The following CACNA2D3 variants were observed in gnomAD, a reference collection of about 807,000 sequenced individuals.
CACNA2D3 encodes calcium voltage-gated channel auxiliary subunit alpha2delta 3, also known as voltage-dependent calcium channel subunit alpha-2/delta-3.
Under a neutral mutation model 160.6 loss-of-function variants are expected in CACNA2D3, and 60 were observed. The observed-to-expected ratio is 0.37, with a 90% CI of 0.30 to 0.46. The LOEUF (loss-of-function observed/expected upper bound fraction) is 0.46, where lower values mean the gene tolerates loss of function less well. Among genes scored for constraint, CACNA2D3 ranks in the 20% least tolerant of loss-of-function variants. The pLI, the probability that CACNA2D3 is intolerant of heterozygous loss-of-function variation, is 1.00. For missense variants in CACNA2D3, 1,205 were observed against 1,365.0 expected (o/e 0.88, Z 1.85); for synonymous variants, 558 against 492.9 (o/e 1.13, Z -1.75).
chr3:55,011,993 CT>C (rs1164057364), intron 34 of CACNA2D3, among the ~76,000 whole-genome samples: 1 of 152,184 alleles, frequency 6.6e-6, no homozygotes, highest in Non-Finnish European at 1.5e-5. Flanking sequence ...GGTTAAATGG[CT>C]GCTGTCTCTG....
rs371578107 is a variant in CACNA2D3 at position 54,405,074 on chromosome 3, T to TCTATA, written c.381+18314_381+18318dup. ...TGGAAGAATTAATATTGTTAAAATG[T>TCTATA]CTATACTATACTATACTAAAATGTC... On this transcript the variant is annotated intron_variant, in intron 4 of 37. Coordinates refer to ENST00000474759, the MANE Select transcript of CACNA2D3 (RefSeq NM_018398.3). Among the ~76,000 whole-genome samples the TCTATA allele has an allele frequency of 9.2e-3, 1,381 of 150,664 alleles. 21 individuals carry two copies. The highest frequency in any genetic ancestry group is 0.071 in the East Asian group (361 of 5,114).
At chr3:54,379,561 A>T (rs934429714) in intron 3 of CACNA2D3, among the ~76,000 whole-genome samples, 4 of 152,156 alleles carry the variant, frequency 2.6e-5, no homozygotes, top group African/African-American at 9.7e-5. Flanking sequence ...TCTGCAGGTT[A>T]TTCATTTCGC....
chr3:54,706,228 G>C (rs1700855758), intron 11 of CACNA2D3, among the ~76,000 whole-genome samples: 1 of 152,200 alleles, frequency 6.6e-6, no homozygotes, highest in East Asian at 1.9e-4. Flanking sequence ...TTCTTCAGCT[G>C]AGATGGAGTT....
At position 54,399,881 on chromosome 3, in the gene CACNA2D3, G is replaced by A. The variant is rs1267908419; in HGVS notation, c.381+13107G>A. Among the ~76,000 whole-genome samples the A allele has an allele frequency of 4.0e-5, 5 of 125,052 alleles. 1 individual carries two copies. The highest frequency in any genetic ancestry group is 9.3e-5 in the African/African-American group (3 of 32,108). 82.0% of individuals were successfully genotyped at this position (125,052 alleles called of 152,430 possible). A position where few individuals can be genotyped will look rare whatever the true frequency, so the allele number is the denominator to read the frequency against. ...CTTCCCAGCAAGCCTGGGCAATGGC[G>A]GGCGCCCCTCCCCCAGCCTCGTTGC... On this transcript the variant is annotated intron_variant, in intron 4 of 37. Transcript: ENST00000474759.
intron 4 of CACNA2D3, among the ~76,000 whole-genome samples, chr3:54,443,621 T>C (rs1429203184): frequency 6.6e-6 from 1 of 152,184 alleles, no homozygotes; most frequent in African/African-American, 2.4e-5. Context: ...AGACAGATCC[T>C]TGGCCGACGA....
intron 4 of CACNA2D3, among the ~76,000 whole-genome samples, chr3:54,410,812 C>G (rs933743847): frequency 6.6e-6 from 1 of 152,118 alleles, no homozygotes; most frequent in Non-Finnish European, 1.5e-5. Context: ...TTAAGAAATG[C>G]AGTTAGTAAG....
chr3:54,629,938 G>A (rs1013909182), intron 10 of CACNA2D3, among the ~76,000 whole-genome samples: 2 of 152,178 alleles, frequency 1.3e-5, no homozygotes, highest in Non-Finnish European at 2.9e-5. Context: ...TTGTTGTATG[G>A]TTAAGTCTGT....
At chr3:54,770,027 A>G (rs1232683812) in intron 13 of CACNA2D3, among the ~76,000 whole-genome samples, 1 of 152,154 alleles carries the variant, frequency 6.6e-6, no homozygotes, top group African/African-American at 2.4e-5. Flanking sequence ...GAATTACACA[A>G]GGAAAGGGAA....
intron 26 of CACNA2D3, among the ~76,000 whole-genome samples, chr3:54,898,806 A>G (rs1700259915): frequency 6.6e-6 from 1 of 152,202 alleles, no homozygotes; most frequent in South Asian, 2.1e-4. Context: ...CTTGTTCATG[A>G]CAAAGTTACA....
intron 35 of CACNA2D3, among the ~76,000 whole-genome samples, chr3:55,018,629 G>A (rs561743892): frequency 3.2e-4 from 48 of 151,990 alleles, no homozygotes; most frequent in African/African-American, 1.1e-3. Context: ...TTTGAACTGT[G>A]TGTTCAAGAA....
chr3:54,311,450 T>C (rs886779951), intron 2 of CACNA2D3, among the ~76,000 whole-genome samples: 4 of 152,316 alleles, frequency 2.6e-5, no homozygotes, highest in Non-Finnish European at 2.9e-5. Flanking sequence ...TGCATAGGCA[T>C]CCCCTTTTCT....
chr3:54,459,663 T>C (rs1233545311), intron 4 of CACNA2D3, among the ~76,000 whole-genome samples: 1 of 152,128 alleles, frequency 6.6e-6, no homozygotes, highest in African/African-American at 2.4e-5. Context: ...TTGTAGATTC[T>C]GGATATTAGC....
chr3:54,133,162 CA>C (rs1338924316), intron 2 of CACNA2D3, among the ~76,000 whole-genome samples: 3 of 151,964 alleles, frequency 2.0e-5, no homozygotes, highest in Non-Finnish European at 4.4e-5. Flanking sequence ...GGGTTTTCGG[CA>C]GTAATAATAA....
At chr3:54,545,284 T>C (rs1029233327) in intron 5 of CACNA2D3, among the ~76,000 whole-genome samples, 6 of 152,224 alleles carry the variant, frequency 3.9e-5, no homozygotes, top group Non-Finnish European at 7.3e-5. Context: ...TAAAACAATT[T>C]CAGCTAAAAT....
intron 8 of CACNA2D3, among the ~76,000 whole-genome samples, chr3:54,575,756 A>G (rs1309742271): frequency 1.3e-5 from 2 of 152,194 alleles, no homozygotes; most frequent in African/African-American, 4.8e-5. Context: ...CTAAGTGGAC[A>G]CTTGAAGATA....
intron 18 of CACNA2D3, among the ~76,000 whole-genome samples, chr3:54,873,204 C>T (rs892027019): frequency 7.2e-5 from 11 of 152,092 alleles, no homozygotes; most frequent in Non-Finnish European, 1.6e-4. Context: ...AGTACTTGCA[C>T]TGTTCTGGGG....
chr3:54,469,671 T>C (rs373750387), intron 4 of CACNA2D3, among the ~76,000 whole-genome samples: 2 of 152,104 alleles, frequency 1.3e-5, no homozygotes, highest in East Asian at 1.9e-4. Flanking sequence ...ACAAGGAAGC[T>C]AAGACCCTTG....
rs575958649 is a variant in CACNA2D3 at position 54,464,254 on chromosome 3, C to A, written c.382-39238C>A. ...ACCCACTTGAGGAGGCAGTCTGCCC[C>A]TTCTCATATCTCCAGCTGCGTGCTG... On this transcript the variant is annotated intron_variant, in intron 4 of 37. Transcript: ENST00000474759. 2.0e-5 allele frequency among the ~76,000 whole-genome samples: 3 copies of A among 152,274 alleles called. No individual in the cohort carries two copies. The East Asian group carries it at 5.8e-4, about 29-fold the overall frequency.
chr3:54,894,375 G>A (rs1372304452), intron 25 of CACNA2D3, among the ~76,000 whole-genome samples: 1 of 152,098 alleles, frequency 6.6e-6, no homozygotes, highest in Non-Finnish European at 1.5e-5. Context: ...GGCTGCCCTA[G>A]GTGCCAGCAC....
Sources: allele counts gnomAD v4.1 joint callset (sites outside exome capture counted in the v4.1 genomes callset), GRCh38; gene constraint gnomAD v4.1.1; transcripts MANE v1.5; gene names NCBI Gene and HGNC (gene_info 2026-07-23, HGNC 2026-07-21).